ITK: variants seen among roughly 807,000 people sequenced by gnomAD.
The protein encoded by ITK is IL2 inducible T cell kinase.
ITK carries 45 observed loss-of-function variants against 87.6 expected under a neutral mutation model. That is an observed-to-expected ratio of 0.51 (90% CI 0.40 to 0.66). The LOEUF is 0.66. Among genes scored for constraint, ITK ranks in the 30% least tolerant of loss-of-function variants. The probability of loss-of-function intolerance (pLI) is 0.00; values close to 1 mark genes in which losing one functional copy is unlikely to be tolerated. For missense variants in ITK, 605 were observed against 766.3 expected (o/e 0.79, Z 2.48); for synonymous variants, 303 against 273.6 (o/e 1.11, Z -1.06).
rs779098639 is a variant in ITK, at chr5:157,244,485, G to A, written c.1449+7G>A. On this transcript the variant is annotated splice_region_variant and intron_variant, in intron 13 of 16. Coordinates refer to ENST00000422843, the MANE Select transcript of ITK (RefSeq NM_005546.4). Reference sequence around the variant, plus strand: ...TGTCATCCACAGAGACTTGGTATGAGCATGCAGGGTGAACACCCACAGGTC... The same window carrying A: ...TGTCATCCACAGAGACTTGGTATGAACATGCAGGGTGAACACCCACAGGTC... The A allele has an allele frequency of 6.5e-7, 1 of 1,547,914 alleles. No homozygotes were observed.
intron 9 of ITK, among the ~76,000 whole-genome samples, chr5:157,239,422 C>CTTT (rs1192809328): frequency 4.6e-5 from 7 of 152,186 alleles, no homozygotes; most frequent in Admixed American, 4.6e-4. Flanking sequence ...GTACCCAAGG[C>CTTT]TTTTATTGGA....
At chr5:157,220,422 C>T (rs1193773795) in intron 5 of ITK, among the ~76,000 whole-genome samples, 2 of 152,194 alleles carry the variant, frequency 1.3e-5, no homozygotes, top group African/African-American at 4.8e-5. Flanking sequence ...TGAGGGGCCA[C>T]TAGAATGTGT....
At chr5:157,224,707 G>T (rs1754496441) in intron 6 of ITK, among the ~76,000 whole-genome samples, 1 of 152,140 alleles carries the variant, frequency 6.6e-6, no homozygotes, top group Admixed American at 6.5e-5. Flanking sequence ...CTTGAACCTG[G>T]GAGGTGGAGG....
At chr5:157,181,188 T>C in intron 1 of ITK, 73 bp downstream of exon 1, 1 of 1,434,216 alleles carries the variant, frequency 7.0e-7, no homozygotes, top group Non-Finnish European at 9.8e-7. Flanking sequence ...CAAAAATATA[T>C]ACATAGCATA....
chr5:157,234,515 G>A (rs1384683108), intron 8 of ITK, among the ~76,000 whole-genome samples: 1 of 152,130 alleles, frequency 6.6e-6, no homozygotes, highest in Non-Finnish European at 1.5e-5. Context: ...TTTAAGAGAT[G>A]AATTCCTGCA....
intron 1 of ITK, among the ~76,000 whole-genome samples, chr5:157,191,509 G>T (rs965178400): frequency 6.6e-6 from 1 of 152,226 alleles, no homozygotes; most frequent in East Asian, 1.9e-4. Context: ...TCTATAATTT[G>T]GTCTGAAGAC....
At chr5:157,206,637 T>G (rs1754084444) in intron 1 of ITK, among the ~76,000 whole-genome samples, 1 of 152,188 alleles carries the variant, frequency 6.6e-6, no homozygotes, top group Admixed American at 6.6e-5. Context: ...TGTCCAGGAA[T>G]GGATTCATTT....
chr5:157,250,371 C>A (rs892694055), intron 16 of ITK, among the ~76,000 whole-genome samples: 1 of 152,172 alleles, frequency 6.6e-6, no homozygotes, highest in African/African-American at 2.4e-5. Flanking sequence ...TAAGGTCCCT[C>A]CATGTCTTTT....
chr5:157,232,324 T>A lies in ITK; in HGVS notation c.714-16T>A, dbSNP rs1754673289. On this transcript the variant is annotated splice_polypyrimidine_tract_variant and intron_variant, in intron 7 of 16. Coordinates refer to ENST00000422843, the MANE Select transcript of ITK (RefSeq NM_005546.4). ...TTAAAATATGTCATTGACATATGAC[T>A]TTTCCTTGCTTTCAGGTGGTACAAT... 1 of 1,591,630 alleles carries A rather than the reference T, an allele frequency of 6.3e-7. No homozygotes were observed. The highest frequency in any genetic ancestry group is 1.1e-5 in the South Asian group (1 of 90,502).
chr5:157,221,643 TG>T (rs1184912278), intron 5 of ITK, among the ~76,000 whole-genome samples: 3 of 152,196 alleles, frequency 2.0e-5, no homozygotes, highest in Admixed American at 2.0e-4. Context: ...TATCATAATT[TG>T]AGGGCCCTGC....
intron 5 of ITK, 120 bp downstream of exon 5, chr5:157,218,027 G>T: frequency 1.1e-6 from 1 of 919,068 alleles, no homozygotes; most frequent in Non-Finnish European, 1.8e-6. Context: ...GCAGCAGGCT[G>T]TCATGATTCA....
At chr5:157,193,863 T>G (rs1753799648) in intron 1 of ITK, among the ~76,000 whole-genome samples, 3 of 151,568 alleles carry the variant, frequency 2.0e-5, no homozygotes, top group Admixed American at 2.0e-4. Context: ...AGAAACATCA[T>G]CAACAGCAAC....
In ITK at chr5:157,252,577, A is replaced by G. The variant is rs756046873; in HGVS notation, c.1792-30A>G. 5.1e-6 allele frequency: 8 copies of G among 1,562,280 alleles called. No homozygotes were observed. In the Admixed American group the frequency reaches 1.2e-4, roughly 23 times the overall value. On this transcript the variant is annotated intron_variant, in intron 16 of 16. Coordinates refer to ENST00000422843, the MANE Select transcript of ITK (RefSeq NM_005546.4). ...TTACCTATGACGCATAAGTACAAGG[A>G]ACTTACAGAGTTCTTTTTTCCCTCT...
chr5:157,218,266 A>C (rs1754339815), intron 5 of ITK, among the ~76,000 whole-genome samples: 2 of 152,086 alleles, frequency 1.3e-5, no homozygotes, highest in Non-Finnish European at 2.9e-5. Flanking sequence ...GCACTTTGGG[A>C]GGCCAAAGTG....
intron 4 of ITK, 92 bp from the exon 5 acceptor site, chr5:157,217,775 T>C: frequency 8.9e-6 from 10 of 1,118,300 alleles, no homozygotes; most frequent in South Asian, 1.3e-5. Context: ...CCCTGGGCCC[T>C]TTTTCTCAGA....
rs41283187 is a variant in ITK, at chr5:157,211,524, A to G, written c.325+156A>G. 1,885 of 679,712 alleles carry G rather than the reference A, an allele frequency of 2.8e-3. 5 individuals are homozygous for G. The highest frequency in any genetic ancestry group is 4.0e-3 in the Non-Finnish European group (1,516 of 375,914). 42.1% of individuals were successfully genotyped at this position (679,712 alleles called of 1,614,324 possible). A position where few individuals can be genotyped will look rare whatever the true frequency, so the allele number is the denominator to read the frequency against. The stretch of plus-strand genomic sequence containing the variant: ...CCCAAGTTTTCATCCTGGGCCCAGG[A>G]AGCAATAACTGGTATCATTCAGGGA... On this transcript the variant is annotated intron_variant, in intron 3 of 16. Transcript: ENST00000422843.
chr5:157,236,343 C>A (rs1192958612), intron 8 of ITK, among the ~76,000 whole-genome samples: 1 of 151,500 alleles, frequency 6.6e-6, no homozygotes, highest in South Asian at 2.1e-4. Flanking sequence ...CAACTGCACT[C>A]CAGCCTGGGT....
intron 3 of ITK, 92 bp from the exon 4 acceptor site, chr5:157,214,099 C>A: frequency 9.9e-7 from 1 of 1,010,472 alleles, no homozygotes; most frequent in Non-Finnish European, 1.6e-6. Flanking sequence ...CAGGCTCACT[C>A]AGCCAGGTCT....
At chr5:157,229,443 G>C (rs1754603048) in intron 7 of ITK, among the ~76,000 whole-genome samples, 1 of 152,110 alleles carries the variant, frequency 6.6e-6, no homozygotes, top group Non-Finnish European at 1.5e-5. Context: ...TCACTTCTGT[G>C]ATATTCCTGC....
Sources: gnomAD v4.1 joint callset for allele counts (sites outside exome capture counted in the v4.1 genomes callset) on GRCh38, gnomAD v4.1.1 for gene constraint, MANE v1.5 for transcripts, NCBI Gene and HGNC (gene_info 2026-07-23, HGNC 2026-07-21) for gene names.